FCHO1: variants seen among roughly 807,000 people sequenced by gnomAD.
FCHO1 encodes FCH and mu domain containing endocytic adaptor 1.
Under a neutral mutation model 114.4 loss-of-function variants are expected in FCHO1, and 45 were observed. The ratio of observed to expected loss-of-function variants is 0.39; its 90% CI spans 0.31 to 0.50. The LOEUF (loss-of-function observed/expected upper bound fraction) is 0.50, where lower values mean the gene tolerates loss of function less well. FCHO1 is among the 20% of genes least tolerant of loss of function. The pLI is 0.77. For synonymous variants in FCHO1, 480 were observed against 488.9 expected, an observed-to-expected ratio of 0.98 and a Z score of 0.24; for missense variants, 1,042 against 1,209.6, an observed-to-expected ratio of 0.86 and a Z score of 2.06.
chr19:17,763,407 G>A (rs1428122376), intron 5 of FCHO1, among the ~76,000 whole-genome samples: 1 of 151,736 alleles, frequency 6.6e-6, no homozygotes, highest in Non-Finnish European at 1.5e-5. Flanking sequence ...GAGACTACAG[G>A]TGCCTGCCAC....
chr19:17,771,358 T>TAAAA (rs1269242537), intron 9 of FCHO1, among the ~76,000 whole-genome samples: 1 of 112,658 alleles, frequency 8.9e-6, no homozygotes. Context: ...CAGGTGTATA[T>TAAAA]AAAAAAAAAA....
intron 11 of FCHO1, among the ~76,000 whole-genome samples, chr19:17,773,013 C>T (rs2091971674): frequency 6.6e-6 from 1 of 152,148 alleles, no homozygotes; most frequent in African/African-American, 2.4e-5. Flanking sequence ...GTCCAGCTCT[C>T]CAGCCTGATC....
At chr19:17,773,470 T>C (rs1179673190) in intron 11 of FCHO1, among the ~76,000 whole-genome samples, 3 of 152,112 alleles carry the variant, frequency 2.0e-5, no homozygotes, top group Admixed American at 2.0e-4. Context: ...CTGGCTCAGG[T>C]CTCCCCTCCC....
intron 7 of FCHO1, 127 bp from the exon 8 acceptor site, chr19:17,770,298 T>C: frequency 1.1e-6 from 1 of 926,948 alleles, no homozygotes; most frequent in Admixed American, 3.0e-5. Context: ...CGAAACTCTG[T>C]CTAAAAAAAA....
At chr19:17,756,629 G>C (rs1306528255) in intron 4 of FCHO1, among the ~76,000 whole-genome samples, 1 of 152,120 alleles carries the variant, frequency 6.6e-6, no homozygotes, top group Non-Finnish European at 1.5e-5. Flanking sequence ...TGGGAAAAAG[G>C]GATGAAATTC....
chr19:17,770,442 G>T lies in FCHO1; in HGVS notation c.354G>T (p.Val118=). 2 of 1,612,926 alleles carry T rather than the reference G, an allele frequency of 1.2e-6. No individual in the cohort carries two copies. Among genetic ancestry groups the T allele is most frequent in the South Asian group, 1.1e-5 (1 of 90,974 alleles). The stretch of plus-strand genomic sequence containing the variant: ...CCCCGCAGTGCAAGGAGGAAGTGGT[G>T]AGCACCTTGGATGCTGTGCAGGTAC... The part of the protein sequence containing the change: ...KTHKKCKEEV[V]STLDAVQVLS... The change falls in exon 8 of 29, where the codon GTG becomes GTT. Residue 118 remains valine (V), a synonymous_variant. Coordinates refer to ENST00000596536, the MANE Select transcript of FCHO1 (RefSeq NM_015122.3).
intron 11 of FCHO1, 84 bp from the exon 12 acceptor site, chr19:17,774,155 C>T (rs1362357075): frequency 2.0e-5 from 26 of 1,320,840 alleles, no homozygotes; most frequent in Admixed American, 1.4e-4. Flanking sequence ...GTGATCCGCC[C>T]GCCTTAGCCT....
At position 17,786,591 on chromosome 19, in the gene FCHO1, G is replaced by A. The variant is rs375733884; in HGVS notation, c.2444G>A (p.Arg815Gln). ...TCTGCCAGGAACCTGGAGGAGAAGC[G>A]GCTCACTTGGAGGCTTCCAGATGTG... ...PAATWNLEEK[R>Q]LTWRLPDVSE... The change falls in exon 27 of 29, where the codon CGG becomes CAG. Residue 815 changes from arginine to glutamine, a missense_variant. Transcript: ENST00000596536. The A allele has an allele frequency of 1.6e-5, 26 of 1,612,628 alleles. No homozygotes were observed. The highest frequency in any genetic ancestry group is 1.3e-4 in the African/African-American group (10 of 74,714).
intron 1 of FCHO1, among the ~76,000 whole-genome samples, chr19:17,753,168 G>T (rs927722813): frequency 6.6e-6 from 1 of 152,202 alleles, no homozygotes; most frequent in Non-Finnish European, 1.5e-5. Flanking sequence ...AGATGCTTAG[G>T]GTCCTGGTCA....
rs189314259 is a variant in FCHO1 at position 17,771,626 on chromosome 19, G to A, written c.594+730G>A. On this transcript the variant is annotated intron_variant, in intron 9 of 28. Coordinates refer to ENST00000596536, the MANE Select transcript of FCHO1 (RefSeq NM_015122.3). ...GGAGCTTGCAGTGAGCCGAGATTGC[G>A]CCACTGCACTCCAGCCTGGGCGACA... Among the ~76,000 whole-genome samples the A allele has an allele frequency of 1.8e-4, 28 of 151,600 alleles. No individual in the cohort carries two copies. The East Asian group carries it at 4.9e-3, about 26-fold the overall frequency.
chr19:17,786,487 C>A, intron 26 of FCHO1, 87 bp from the exon 27 acceptor site: 2 of 1,384,228 alleles, frequency 1.4e-6, no homozygotes, highest in South Asian at 1.2e-5. Context: ...TTGTTGGGGT[C>A]ACACAGCCAG....
chr19:17,762,564 T>A lies in FCHO1; in HGVS notation c.28-198T>A, dbSNP rs944745658. 38 of 575,606 alleles carry A rather than the reference T, an allele frequency of 6.6e-5. No individual in the cohort carries two copies. In the African/African-American group the frequency reaches 7.1e-4, roughly 11 times the overall value. The allele number at this position is 575,606 out of a possible 1,614,324, so 35.7% of individuals were successfully genotyped here. ...ATAGGACAAAAAGAAAATCCCAGGC[T>A]TCTCTCTGATTGGACAAATTTAAGG... On this transcript the variant is annotated intron_variant, in intron 4 of 28. Transcript: ENST00000596536.
chr19:17,760,937 C>T (rs2085886459), intron 4 of FCHO1, among the ~76,000 whole-genome samples: 1 of 152,172 alleles, frequency 6.6e-6, no homozygotes, highest in South Asian at 2.1e-4. Flanking sequence ...GGGTGAGCCA[C>T]CGCGCCTAAC....
In FCHO1 at chr19:17,764,439, A is replaced by AC. The variant is rs769578227; in HGVS notation, c.189dup (p.Met64HisfsTer104). 5 of 1,612,456 alleles carry AC rather than the reference A, an allele frequency of 3.1e-6. No individual in the cohort carries two copies. The African/African-American group carries it at 6.7e-5, about 22-fold the overall frequency. On this transcript the variant is annotated frameshift_variant, in exon 6 of 29. Coordinates refer to ENST00000596536, the MANE Select transcript of FCHO1 (RefSeq NM_015122.3). LOFTEE classifies it high-confidence loss of function. ...ACTCTCCAAGCTGGCCAGCAACGGG[A>AC]CCCCCATGGGGTGAGTGGGGTAGGG...
At position 17,787,885 on chromosome 19, in the gene FCHO1, G is replaced by A. The variant is rs1457081978; in HGVS notation, c.2647+39G>A. The A allele has an allele frequency of 4.4e-6, 7 of 1,594,616 alleles. No individual in the cohort carries two copies. The South Asian group carries it at 4.6e-5, about 10-fold the overall frequency. On this transcript the variant is annotated intron_variant, in intron 28 of 28. Transcript: ENST00000596536. ...CTGCTGCTGGGTGACCTCAGGAGCCGAGATCTTACAGGGGCAAGCCCCGGG... is the reference window on the plus strand; with the variant it reads ...CTGCTGCTGGGTGACCTCAGGAGCCAAGATCTTACAGGGGCAAGCCCCGGG...
chr19:17,788,092 C>T (rs1302552830), intron 28 of FCHO1, among the ~76,000 whole-genome samples, 192 bp from the exon 29 acceptor site: 1 of 151,994 alleles, frequency 6.6e-6, no homozygotes, highest in Non-Finnish European at 1.5e-5. Context: ...CCCTGCCACC[C>T]CCTCCTCCAG....
At chr19:17,778,930 G>A (rs774122861) in intron 20 of FCHO1, 46 bp downstream of exon 20, 3 of 1,478,106 alleles carry the variant, frequency 2.0e-6, no homozygotes, top group Admixed American at 4.8e-5. Flanking sequence ...AACCCTGGGC[G>A]GGGGATTGAG....
chr19:17,770,769 C>T (rs772606338), intron 8 of FCHO1, 23 bp from the exon 9 acceptor site: 77 of 1,612,778 alleles, frequency 4.8e-5, no homozygotes, highest in South Asian at 1.8e-4. Flanking sequence ...CTCCCATCCC[C>T]GTTTCCTCCC....
Position 17,775,870 on chromosome 19 carries a change from T to A in FCHO1, c.1004-113T>A. 7.9e-7 allele frequency: 1 copy of A among 1,268,306 alleles called. No individual in the cohort carries two copies. The highest frequency in any genetic ancestry group is 2.4e-5 in the East Asian group (1 of 41,508). The allele number at this position is 1,268,306 out of a possible 1,614,324, so 78.6% of individuals were successfully genotyped here. On this transcript the variant is annotated intron_variant, in intron 15 of 28. Coordinates refer to ENST00000596536, the MANE Select transcript of FCHO1 (RefSeq NM_015122.3). This position sits in a 1 kb window ranked among gnomAD's most constrained non-coding sequence, Gnocchi z 5.1. ...ACTGAAGGTGGCGCGTGGTGAGCGA[T>A]GGGATTGGGCAGGACCTCGAAGGGT...
Sources: gnomAD v4.1 joint callset for allele counts (sites outside exome capture counted in the v4.1 genomes callset) on GRCh38, gnomAD v4.1.1 for gene constraint, Gnocchi (gnomAD v3.1) non-coding constraint, MANE v1.5 for transcripts, NCBI Gene and HGNC (gene_info 2026-07-23, HGNC 2026-07-21) for gene names.